RAB11FIP4: variants seen among roughly 807,000 people sequenced by gnomAD.
RAB11FIP4 encodes rab11 family-interacting protein 4.
A neutral mutation model predicts 74.3 loss-of-function variants in RAB11FIP4; 23 were observed. That is an observed-to-expected ratio of 0.31 (90% CI 0.22 to 0.44). The LOEUF is 0.44. Among genes scored for constraint, RAB11FIP4 ranks in the 20% least tolerant of loss-of-function variants. The probability of loss-of-function intolerance (pLI) is 1.00; values close to 1 mark genes in which losing one functional copy is unlikely to be tolerated. For missense variants in RAB11FIP4, 630 were observed against 863.9 expected (o/e 0.73, Z 3.39); for synonymous variants, 360 against 359.9 (o/e 1.00, Z 0.00).
intron 3 of RAB11FIP4, among the ~76,000 whole-genome samples, chr17:31,480,922 A>T (rs747741159): frequency 2.6e-5 from 4 of 151,810 alleles, no homozygotes; most frequent in Non-Finnish European, 5.9e-5. Flanking sequence ...TTATTGTTTC[A>T]TCATCTGACT....
chr17:31,419,774 TCTC>T (rs2071182340), intron 1 of RAB11FIP4, among the ~76,000 whole-genome samples: 1 of 152,084 alleles, frequency 6.6e-6, no homozygotes, highest in African/African-American at 2.4e-5. Context: ...ATGGTCTCGA[TCTC>T]CTGATCTCAT....
At chr17:31,443,044 G>T (rs1235004079) in intron 3 of RAB11FIP4, among the ~76,000 whole-genome samples, 1 of 152,126 alleles carries the variant, frequency 6.6e-6, no homozygotes, top group African/African-American at 2.4e-5. Flanking sequence ...ATCCCATCAG[G>T]ATTGCGTCAG....
At chr17:31,511,510 A>G (rs1384997429) in intron 3 of RAB11FIP4, among the ~76,000 whole-genome samples, 1 of 152,212 alleles carries the variant, frequency 6.6e-6, no homozygotes, top group Non-Finnish European at 1.5e-5. Flanking sequence ...ACCACCTGCC[A>G]TGTGCTCTCT....
chr17:31,496,817 G>C (rs576781018), intron 3 of RAB11FIP4, among the ~76,000 whole-genome samples: 3 of 152,312 alleles, frequency 2.0e-5, no homozygotes, highest in East Asian at 3.9e-4. Context: ...GGGTCAGCCT[G>C]AGTCCACTCC....
intron 3 of RAB11FIP4, among the ~76,000 whole-genome samples, chr17:31,453,814 G>GAAAGA (rs1168416164): frequency 7.3e-6 from 1 of 136,322 alleles, no homozygotes; most frequent in African/African-American, 2.8e-5. Flanking sequence ...AAAAAAAAAA[G>GAAAGA]AAAGAAAAGA....
At chr17:31,444,203 A>C (rs1291669900) in intron 3 of RAB11FIP4, among the ~76,000 whole-genome samples, 3 of 152,170 alleles carry the variant, frequency 2.0e-5, no homozygotes, top group African/African-American at 7.2e-5. Context: ...TTTTCCTGAC[A>C]AACAGCACTG....
intron 3 of RAB11FIP4, among the ~76,000 whole-genome samples, chr17:31,438,764 C>T (rs1054223921): frequency 1.3e-5 from 2 of 152,136 alleles, no homozygotes; most frequent in Non-Finnish European, 2.9e-5. Context: ...TATCTTTCTC[C>T]TAGGATGTCC....
chr17:31,444,905 T>C (rs1386040006), intron 3 of RAB11FIP4, among the ~76,000 whole-genome samples: 2 of 152,196 alleles, frequency 1.3e-5, no homozygotes, highest in Admixed American at 1.3e-4. Flanking sequence ...GCTTCCCTCA[T>C]TAATGAGTCT....
At position 31,536,039 on chromosome 17, in the gene RAB11FIP4, G is replaced by C. The variant is rs994980769; in HGVS notation, c.*4307G>C. The C allele has an allele frequency of 1.1e-4, 3 of 26,902 alleles. No homozygotes were observed. Among genetic ancestry groups the C allele is most frequent in the Non-Finnish European group, 2.2e-4 (3 of 13,774 alleles). 1.7% of individuals were successfully genotyped at this position (26,902 alleles called of 1,614,324 possible). On this transcript the variant is annotated 3_prime_UTR_variant, in exon 15 of 15. Transcript: ENST00000621161. ...CTGGTGCTGGTGTTCAGGGGAGTTGGGGGGGGGGGGCGCGGGGACAGAAGC... is the reference window on the plus strand; with the variant it reads ...CTGGTGCTGGTGTTCAGGGGAGTTGCGGGGGGGGGGCGCGGGGACAGAAGC...
chr17:31,400,075 C>T (rs1483972884), intron 1 of RAB11FIP4, among the ~76,000 whole-genome samples: 2 of 150,770 alleles, frequency 1.3e-5, no homozygotes, highest in African/African-American at 4.9e-5. Flanking sequence ...ATTCCATTAA[C>T]ATCTTGGGTA....
At chr17:31,517,351 G>A (rs1022860348) in intron 3 of RAB11FIP4, among the ~76,000 whole-genome samples, 1 of 151,998 alleles carries the variant, frequency 6.6e-6, no homozygotes, top group Non-Finnish European at 1.5e-5. Context: ...CCTCAGTGGG[G>A]GCTCTGATGT....
chr17:31,492,202 C>T (rs1474338089), intron 3 of RAB11FIP4, among the ~76,000 whole-genome samples: 1 of 152,232 alleles, frequency 6.6e-6, no homozygotes, highest in Non-Finnish European at 1.5e-5. Flanking sequence ...TGGCCTCCCT[C>T]TTCACTCCCT....
chr17:31,405,228 G>T (rs540387644), intron 1 of RAB11FIP4, among the ~76,000 whole-genome samples: 1 of 152,110 alleles, frequency 6.6e-6, no homozygotes, highest in Non-Finnish European at 1.5e-5. Context: ...GTCTGGAGGC[G>T]TTCACATGGG....
At chr17:31,469,469 T>A (rs190899712) in intron 3 of RAB11FIP4, among the ~76,000 whole-genome samples, 208 of 151,444 alleles carry the variant, frequency 1.4e-3, no homozygotes, top group East Asian at 2.9e-3. Flanking sequence ...AAATAAATTT[T>A]AAAAAAAATG....
At chr17:31,418,185 C>T (rs892656458) in intron 1 of RAB11FIP4, among the ~76,000 whole-genome samples, 2 of 152,092 alleles carry the variant, frequency 1.3e-5, no homozygotes, top group South Asian at 2.1e-4. Flanking sequence ...GTCAGGAGTT[C>T]GAGACCAGCC....
At chr17:31,404,610 G>T (rs575145523) in intron 1 of RAB11FIP4, among the ~76,000 whole-genome samples, 1 of 152,254 alleles carries the variant, frequency 6.6e-6, no homozygotes, top group South Asian at 2.1e-4. Flanking sequence ...CCACCTCTAG[G>T]TTTTCTGAGT....
chr17:31,393,484 C>T (rs2070896900), intron 1 of RAB11FIP4, among the ~76,000 whole-genome samples: 1 of 152,210 alleles, frequency 6.6e-6, no homozygotes, highest in Non-Finnish European at 1.5e-5. Flanking sequence ...GGCCTCCCAA[C>T]AACCTCTGGC....
chr17:31,413,876 G>T (rs35054028), intron 1 of RAB11FIP4, among the ~76,000 whole-genome samples: 9,967 of 152,306 alleles, frequency 0.065, 468 homozygotes, highest in Middle Eastern at 0.14. Flanking sequence ...GTTTAAAAAT[G>T]ATCCAGTTCA....
rs553623950 is a variant in RAB11FIP4 at position 31,433,617 on chromosome 17, G to C, written c.248-417G>C. ...GCTGTCCTGCGGGCAGCCCTGTCCT[G>C]GACGTCCCAGGGTCTGCAGGACACG... On this transcript the variant is annotated intron_variant, in intron 2 of 14. Coordinates refer to ENST00000621161, the MANE Select transcript of RAB11FIP4 (RefSeq NM_032932.6). Among the ~76,000 whole-genome samples the C allele has an allele frequency of 7.9e-5, 12 of 152,314 alleles. No homozygotes were observed. The East Asian group carries it at 2.3e-3, about 29-fold the overall frequency.
Sources: gnomAD v4.1 joint callset for allele counts (sites outside exome capture counted in the v4.1 genomes callset) on GRCh38, gnomAD v4.1.1 for gene constraint, MANE v1.5 for transcripts, NCBI Gene and HGNC (gene_info 2026-07-23, HGNC 2026-07-21) for gene names.